DLGAP1: variants seen among roughly 807,000 people sequenced by gnomAD.
DLGAP1 encodes the protein disks large-associated protein 1.
DLGAP1 carries 11 observed loss-of-function variants against 90.8 expected under a neutral mutation model. That is an observed-to-expected ratio of 0.12 (90% CI 0.08 to 0.20). The LOEUF is 0.20. Ranked by LOEUF, DLGAP1 falls within the 10% of genes least tolerant of loss-of-function variation. The probability of loss-of-function intolerance (pLI) is 1.00; values close to 1 mark genes in which losing one functional copy is unlikely to be tolerated. For missense variants in DLGAP1, 1,050 were observed against 1,333.8 expected, an observed-to-expected ratio of 0.79 and a Z score of 3.31; for synonymous variants, 558 against 540.7, an observed-to-expected ratio of 1.03 and a Z score of -0.44.
intron 5 of DLGAP1, among the ~76,000 whole-genome samples, chr18:3,810,666 A>G (rs1272803758): frequency 2.0e-5 from 3 of 152,218 alleles, no homozygotes; most frequent in African/African-American, 7.2e-5. Context: ...AACTTCTAGA[A>G]AAATAATGAT....
chr18:4,354,788 A>T (rs2144023199), intron 1 of DLGAP1, among the ~76,000 whole-genome samples: 1 of 146,100 alleles, frequency 6.8e-6, no homozygotes, highest in Non-Finnish European at 1.5e-5. Flanking sequence ...GCCACTCATT[A>T]TTGTTAAATA....
Position 4,035,044 on chromosome 18 carries a change from A to AT in DLGAP1, c.-158-29844dup, listed in dbSNP as rs1446771236. 6.6e-5 allele frequency among the ~76,000 whole-genome samples: 10 copies of AT among 152,272 alleles called. 1 individual carries two copies. Among genetic ancestry groups the AT allele is most frequent in the African/African-American group, 1.9e-4 (8 of 41,560 alleles). On this transcript the variant is annotated intron_variant, in intron 2 of 12. Coordinates refer to ENST00000315677, the MANE Select transcript of DLGAP1 (RefSeq NM_004746.4). ...ATGGCTGCATAGTATTCCATGGTGT[A>AT]TATGTGCCGCATTTTCTTAATCCAG...
At chr18:3,941,736 A>T (rs549013111) in intron 3 of DLGAP1, among the ~76,000 whole-genome samples, 6 of 152,330 alleles carry the variant, frequency 3.9e-5, no homozygotes, top group African/African-American at 7.2e-5. Flanking sequence ...TTTTTGAGAC[A>T]GGGTCTTGCC....
rs78160376 is a variant in DLGAP1, at chr18:4,328,608, T to C, written c.-267+126398A>G. On this transcript the variant is annotated intron_variant, in intron 1 of 12. Coordinates refer to ENST00000315677, the MANE Select transcript of DLGAP1 (RefSeq NM_004746.4). ...GCCACACAGGGTCTACCTTCCTTATTAAGAAACTGTAAAACTATTTTCCAG... is the reference window on the plus strand; with the variant it reads ...GCCACACAGGGTCTACCTTCCTTATCAAGAAACTGTAAAACTATTTTCCAG... 2.9e-3 allele frequency among the ~76,000 whole-genome samples: 441 copies of C among 152,126 alleles called. 3 individuals are homozygous for C. The highest frequency in any genetic ancestry group is 0.01 in the African/African-American group (416 of 41,556).
intron 2 of DLGAP1, among the ~76,000 whole-genome samples, chr18:4,120,168 C>G (rs548926164): frequency 1.3e-3 from 200 of 152,120 alleles, no homozygotes; most frequent in Non-Finnish European, 1.5e-3. Flanking sequence ...CTTTAAAAAC[C>G]ATCCCTTGTT....
At chr18:4,325,614 A>T (rs570860672) in intron 1 of DLGAP1, among the ~76,000 whole-genome samples, 1 of 152,316 alleles carries the variant, frequency 6.6e-6, no homozygotes, top group African/African-American at 2.4e-5. Flanking sequence ...ACTTCAAACT[A>T]TACTATAGGG....
intron 1 of DLGAP1, among the ~76,000 whole-genome samples, chr18:4,391,132 C>T (rs1292680803): frequency 1.3e-5 from 2 of 152,160 alleles, no homozygotes; most frequent in East Asian, 3.9e-4. Context: ...ATCTATGTCA[C>T]AAAACAGACA....
At chr18:3,922,380 T>C (rs1291069516) in intron 3 of DLGAP1, among the ~76,000 whole-genome samples, 1 of 152,184 alleles carries the variant, frequency 6.6e-6, no homozygotes, top group Non-Finnish European at 1.5e-5. Context: ...TGGAGAAGAA[T>C]TCCTCAGTAA....
chr18:3,847,096 T>C (rs1053131919), intron 4 of DLGAP1, among the ~76,000 whole-genome samples: 2 of 152,212 alleles, frequency 1.3e-5, no homozygotes, highest in Non-Finnish European at 2.9e-5. Flanking sequence ...ATGTCTATTT[T>C]ATAAGGAAGC....
intron 1 of DLGAP1, among the ~76,000 whole-genome samples, chr18:4,257,183 G>C (rs2078904907): frequency 6.6e-6 from 1 of 152,140 alleles, no homozygotes; most frequent in Non-Finnish European, 1.5e-5. Context: ...GAATTGCCAG[G>C]GTAAGCAGAA....
intron 1 of DLGAP1, among the ~76,000 whole-genome samples, chr18:4,304,330 G>T (rs1285030092): frequency 2.0e-5 from 3 of 152,106 alleles, no homozygotes; most frequent in Non-Finnish European, 4.4e-5. Flanking sequence ...TAAAATAAAT[G>T]GTGATCCCAG....
At chr18:4,197,431 C>T (rs944983736) in intron 1 of DLGAP1, among the ~76,000 whole-genome samples, 4 of 151,850 alleles carry the variant, frequency 2.6e-5, no homozygotes, top group African/African-American at 9.7e-5. Flanking sequence ...GAATGGTAGA[C>T]AAAAGAGTTT....
chr18:3,588,470 A>G (rs2056028645), intron 7 of DLGAP1, among the ~76,000 whole-genome samples: 1 of 151,124 alleles, frequency 6.6e-6, no homozygotes, highest in Non-Finnish European at 1.5e-5. Flanking sequence ...AAAAAAAAAA[A>G]AAGTTATATT....
rs578258705 is a variant in DLGAP1 at position 3,974,918 on chromosome 18, T to A, written c.-73+30198A>T. Among the ~76,000 whole-genome samples, 317 of 152,102 alleles carry A rather than the reference T, an allele frequency of 2.1e-3. 6 individuals carry two copies. In the South Asian group the frequency reaches 0.027, roughly 13 times the overall value. ...ATAAAAAAAAAATAAAAATAAAAAT[T>A]AATCAGTCTCAAAAAGGCAAATCCT... On this transcript the variant is annotated intron_variant, in intron 3 of 12. Transcript: ENST00000315677.
At chr18:4,114,358 A>AT (rs1297363375) in intron 2 of DLGAP1, among the ~76,000 whole-genome samples, 2 of 151,680 alleles carry the variant, frequency 1.3e-5, no homozygotes, top group Non-Finnish European at 2.9e-5. Flanking sequence ...CTTTATTATT[A>AT]TTTTTTGTGA....
chr18:3,709,014 A>C (rs776394974), intron 7 of DLGAP1, among the ~76,000 whole-genome samples: 10 of 152,236 alleles, frequency 6.6e-5, no homozygotes, highest in Admixed American at 3.9e-4. Flanking sequence ...AAATTTACAA[A>C]GTCTATTTGT....
At chr18:3,588,962 AT>A (rs1378021311) in intron 7 of DLGAP1, among the ~76,000 whole-genome samples, 1 of 152,110 alleles carries the variant, frequency 6.6e-6, no homozygotes, top group Non-Finnish European at 1.5e-5. Flanking sequence ...GCAGGGGATA[AT>A]TTGAGGTCGC....
intron 2 of DLGAP1, among the ~76,000 whole-genome samples, chr18:4,055,905 T>C (rs1048681564): frequency 2.6e-5 from 4 of 152,166 alleles, no homozygotes; most frequent in Non-Finnish European, 4.4e-5. Context: ...TGCAGGTGGA[T>C]GTGTCATCTT....
At chr18:3,875,715 AGAGTCCTGG>A (rs2148816891) in intron 4 of DLGAP1, among the ~76,000 whole-genome samples, 1 of 152,346 alleles carries the variant, frequency 6.6e-6, no homozygotes, top group South Asian at 2.1e-4. Context: ...CTCTGAAATG[AGAGTCCTGG>A]GACTTCCAAT....
Sources: gnomAD v4.1 joint callset for allele counts (sites outside exome capture counted in the v4.1 genomes callset) on GRCh38, gnomAD v4.1.1 for gene constraint, MANE v1.5 for transcripts, NCBI Gene and HGNC (gene_info 2026-07-23, HGNC 2026-07-21) for gene names.